Variants in MGMT observed in about 807,000 individuals in gnomAD.
MGMT encodes the protein methylated-DNA--protein-cysteine methyltransferase.
Under a neutral mutation model 15.9 loss-of-function variants are expected in MGMT, and 14 were observed. The ratio of observed to expected loss-of-function variants is 0.88; its 90% CI spans 0.58 to 1.37. The LOEUF is 1.37. Among genes scored for constraint, MGMT ranks in the 40% most tolerant of loss-of-function variants. The pLI, the probability that MGMT is intolerant of heterozygous loss-of-function variation, is 0.00. For synonymous variants in MGMT, 130 were observed against 118.2 expected (o/e 1.10, Z -0.65); for missense variants, 282 against 268.1 (o/e 1.05, Z -0.36).
chr10:129,729,251 C>T (rs993686234), intron 3 of MGMT, among the ~76,000 whole-genome samples: 2 of 152,174 alleles, frequency 1.3e-5, no homozygotes, highest in Admixed American at 6.5e-5. Flanking sequence ...AAGGGCCCCA[C>T]GGGCTGTGTC....
intron 1 of MGMT, among the ~76,000 whole-genome samples, chr10:129,513,843 G>A (rs1462593570): frequency 1.3e-5 from 2 of 152,216 alleles, no homozygotes; most frequent in Admixed American, 6.5e-5. Flanking sequence ...CCCAGTTACA[G>A]TCAGTGTGCA....
intron 2 of MGMT, among the ~76,000 whole-genome samples, chr10:129,664,662 T>A (rs1204708884): frequency 1.3e-5 from 2 of 151,950 alleles, no homozygotes; most frequent in Non-Finnish European, 2.9e-5. Flanking sequence ...GATTCCAGGA[T>A]GGGGGCAGCA....
At chr10:129,582,143 T>A (rs566430432) in intron 2 of MGMT, among the ~76,000 whole-genome samples, 9 of 152,202 alleles carry the variant, frequency 5.9e-5, no homozygotes, top group Non-Finnish European at 1.0e-4. Context: ...AGGACATCAT[T>A]CGGACGCTTT....
At chr10:129,717,586 A>G (rs2133151199) in intron 3 of MGMT, 1 of 152,294 alleles carries the variant, frequency 6.6e-6, no homozygotes, top group African/African-American at 2.4e-5. Context: ...CCATTAGCAG[A>G]ATTTTTTTTT....
intron 1 of MGMT, among the ~76,000 whole-genome samples, chr10:129,534,614 A>G (rs1172945862): frequency 6.6e-6 from 1 of 151,926 alleles, no homozygotes; most frequent in Non-Finnish European, 1.5e-5. Context: ...AGAACCAAAG[A>G]GTGGCCTTAG....
In MGMT at chr10:129,533,541, C is replaced by A. The variant is rs189376026; in HGVS notation, c.-12-2700C>A. Among the ~76,000 whole-genome samples the A allele has an allele frequency of 1.3e-5, 2 of 152,156 alleles. No homozygotes were observed. The highest frequency in any genetic ancestry group is 4.1e-4 in the South Asian group (2 of 4,824). ...AGCTTTGACCCACCATCGTGCAGGG[C>A]GAGTTTCCAAGAAATGGCGAGAGAG... On this transcript the variant is annotated intron_variant, in intron 1 of 4. Transcript: ENST00000651593. This position sits in a 1 kb window ranked among gnomAD's most constrained non-coding sequence, Gnocchi z 4.5.
intron 2 of MGMT, among the ~76,000 whole-genome samples, chr10:129,670,294 C>T (rs1458879181): frequency 6.6e-6 from 1 of 152,130 alleles, no homozygotes; most frequent in Admixed American, 6.6e-5. Flanking sequence ...AATTTCACAA[C>T]CACCACTTAT....
intron 1 of MGMT, among the ~76,000 whole-genome samples, chr10:129,531,079 C>T (rs1373015930): frequency 6.6e-6 from 1 of 152,218 alleles, no homozygotes; most frequent in Non-Finnish European, 1.5e-5. Context: ...TCTTCATCTT[C>T]CGTGGGCCAG....
intron 1 of MGMT, among the ~76,000 whole-genome samples, chr10:129,524,864 A>G (rs1589849839): frequency 6.6e-6 from 1 of 152,080 alleles, no homozygotes; most frequent in Non-Finnish European, 1.5e-5. Flanking sequence ...TGCTGGGATT[A>G]CAGTTGTGAG....
At chr10:129,496,862 A>T (rs1845526965) in intron 1 of MGMT, among the ~76,000 whole-genome samples, 1 of 151,558 alleles carries the variant, frequency 6.6e-6, no homozygotes, top group Non-Finnish European at 1.5e-5. Context: ...TTTCTTTTTT[A>T]AAAAATTAAT....
At chr10:129,549,889 T>C (rs1195747412) in intron 2 of MGMT, among the ~76,000 whole-genome samples, 2 of 152,196 alleles carry the variant, frequency 1.3e-5, no homozygotes, top group African/African-American at 4.8e-5. Flanking sequence ...ATTTACAGTT[T>C]ATTTGTCTGA....
chr10:129,543,103 G>A (rs1589858441), intron 2 of MGMT, among the ~76,000 whole-genome samples: 1 of 152,152 alleles, frequency 6.6e-6, no homozygotes. Context: ...TATGTTCCGT[G>A]ACGAGAGGGT....
chr10:129,605,035 A>T (rs2133064215), intron 2 of MGMT, among the ~76,000 whole-genome samples: 1 of 152,292 alleles, frequency 6.6e-6, no homozygotes, highest in African/African-American at 2.4e-5. Context: ...GTTTTACCAA[A>T]TTAAACATGA....
chr10:129,512,509 G>T (rs1221727411), intron 1 of MGMT, among the ~76,000 whole-genome samples: 1 of 152,132 alleles, frequency 6.6e-6, no homozygotes, highest in Non-Finnish European at 1.5e-5. Flanking sequence ...TCATGCCTTT[G>T]AGCTTCGGGT....
intron 1 of MGMT, among the ~76,000 whole-genome samples, chr10:129,470,740 G>A (rs1348762672): frequency 1.3e-5 from 2 of 152,182 alleles, no homozygotes; most frequent in African/African-American, 2.4e-5. Flanking sequence ...GTGAAACTTG[G>A]TTTTGACACC....
intron 2 of MGMT, among the ~76,000 whole-genome samples, chr10:129,592,980 T>G (rs553615315): frequency 3.1e-4 from 47 of 152,272 alleles, no homozygotes; most frequent in Non-Finnish European, 5.4e-4. Flanking sequence ...GTCCTCATGA[T>G]GCTTAAGGGT....
chr10:129,553,644 A>G (rs1315443546), intron 2 of MGMT, among the ~76,000 whole-genome samples: 2 of 152,234 alleles, frequency 1.3e-5, no homozygotes, highest in African/African-American at 4.8e-5. Context: ...CCTGGCCTCA[A>G]GGAGCTTTGT....
At chr10:129,645,122 T>C (rs1347810795) in intron 2 of MGMT, among the ~76,000 whole-genome samples, 1 of 148,760 alleles carries the variant, frequency 6.7e-6, no homozygotes, top group African/African-American at 2.5e-5. Flanking sequence ...AAAGCCCTTT[T>C]TTTTTTTTTT....
intron 2 of MGMT, among the ~76,000 whole-genome samples, chr10:129,562,902 G>T (rs1359584023): frequency 6.6e-6 from 1 of 152,216 alleles, no homozygotes; most frequent in African/African-American, 2.4e-5. Context: ...GTGGTTCAGC[G>T]TTTGAGTTTT....
Sources: gnomAD v4.1 joint callset for allele counts (sites outside exome capture counted in the v4.1 genomes callset) on GRCh38, gnomAD v4.1.1 for gene constraint, Gnocchi (gnomAD v3.1) non-coding constraint, MANE v1.5 for transcripts, NCBI Gene and HGNC (gene_info 2026-07-23, HGNC 2026-07-21) for gene names.